Variants in CAMK2B observed in about 807,000 individuals in gnomAD.
CAMK2B encodes the protein calcium/calmodulin dependent protein kinase II beta.
Under a neutral mutation model 93.7 loss-of-function variants are expected in CAMK2B, and 27 were observed. The observed-to-expected ratio is 0.29, with a 90% CI of 0.21 to 0.40. The LOEUF is 0.40. Ranked by LOEUF, CAMK2B falls within the 10% of genes least tolerant of loss-of-function variation. The pLI, the probability that CAMK2B is intolerant of heterozygous loss-of-function variation, is 1.00. For missense variants in CAMK2B, 568 were observed against 895.8 expected, an observed-to-expected ratio of 0.63 and a Z score of 4.67; for synonymous variants, 374 against 358.8, an observed-to-expected ratio of 1.04 and a Z score of -0.48.
intron 16 of CAMK2B, among the ~76,000 whole-genome samples, chr7:44,232,602 G>A (rs575675808): frequency 9.8e-5 from 15 of 152,348 alleles, no homozygotes; most frequent in East Asian, 9.6e-4. Context: ...GGGACCGGGC[G>A]CAACTGTGCC....
At chr7:44,247,249 G>A in intron 5 of CAMK2B, 57 bp from the exon 6 acceptor site, 1 of 1,433,330 alleles carries the variant, frequency 7.0e-7, no homozygotes, top group Non-Finnish European at 9.8e-7. Context: ...GCAAGAGGAG[G>A]CACTGGGGGC....
chr7:44,300,911 C>T (rs1275058452), intron 1 of CAMK2B, among the ~76,000 whole-genome samples: 1 of 152,022 alleles, frequency 6.6e-6, no homozygotes. Context: ...ATTTAAAATA[C>T]AGTAATCATA....
chr7:44,320,735 A>G (rs1306746972), intron 1 of CAMK2B, among the ~76,000 whole-genome samples: 1 of 152,118 alleles, frequency 6.6e-6, no homozygotes, highest in Non-Finnish European at 1.5e-5. Flanking sequence ...TTTTTAAACT[A>G]CCCTACATTA....
rs368719643 is a variant in CAMK2B at position 44,221,052 on chromosome 7, C to G, written c.1598-151G>C. On this transcript the variant is annotated intron_variant, in intron 20 of 23. Coordinates refer to ENST00000395749, the MANE Select transcript of CAMK2B (RefSeq NM_001220.5). Reference sequence around the variant, plus strand: ...GCAGAAGAGGTCCTCTCCGCCGCCCCCCCTGCATCACCAGTGGCTTCCTCA... The same window carrying G: ...GCAGAAGAGGTCCTCTCCGCCGCCCGCCCTGCATCACCAGTGGCTTCCTCA... The G allele has an allele frequency of 4.9e-6, 3 of 615,498 alleles. No homozygotes were observed. In the East Asian group the frequency reaches 8.5e-5, roughly 17 times the overall value. 38.1% of individuals were successfully genotyped at this position (615,498 alleles called of 1,614,324 possible). A position where few individuals can be genotyped will look rare whatever the true frequency, so the allele number is the denominator to read the frequency against.
intron 1 of CAMK2B, among the ~76,000 whole-genome samples, chr7:44,299,439 T>A (rs1233493860): frequency 6.6e-6 from 1 of 152,134 alleles, no homozygotes; most frequent in East Asian, 1.9e-4. Flanking sequence ...GATGAAAAAA[T>A]TTCGGACAAT....
intron 1 of CAMK2B, among the ~76,000 whole-genome samples, chr7:44,285,887 G>T (rs1159264729): frequency 1.6e-5 from 2 of 123,766 alleles, no homozygotes; most frequent in Non-Finnish European, 1.7e-5. Flanking sequence ...GGCGCGGCGG[G>T]GGGGCACGGT....
intron 1 of CAMK2B, among the ~76,000 whole-genome samples, chr7:44,307,193 A>G (rs1260005194): frequency 5.7e-3 from 154 of 27,198 alleles, no homozygotes; most frequent in African/African-American, 7.4e-3. Flanking sequence ...GTGAGCAGAG[A>G]GAGGAGGGTG....
intron 1 of CAMK2B, among the ~76,000 whole-genome samples, chr7:44,297,797 G>A (rs977760298): frequency 6.6e-6 from 1 of 152,124 alleles, no homozygotes; most frequent in Non-Finnish European, 1.5e-5. Context: ...GAAAAACAAA[G>A]TTGGGGGACT....
chr7:44,228,867 G>A lies in CAMK2B; in HGVS notation c.1397C>T (p.Ala466Val). Residue 466 changes from alanine to valine, a missense_variant, in exon 19 of 24, where the codon GCC (alanine) becomes GTC (valine). Physicochemically the swap from Ala to Val is moderately conservative, Grantham distance 64. Coordinates refer to ENST00000395749, the MANE Select transcript of CAMK2B (RefSeq NM_001220.5). ...SVRRGSGTPE[A>V]EGPLSAGPPP... is the part of the protein sequence containing the mutation. ...GGGCCCCGCTGAGAGGGGGCCCTCG[G>A]CTTCTGGGGTTCCTGAACCCCTTCT... is the stretch of plus-strand genomic sequence containing the variant. 6.4e-7 allele frequency: 1 copy of A among 1,565,596 alleles called. No homozygotes were observed. Among genetic ancestry groups the A allele is most frequent in the Non-Finnish European group, 8.7e-7 (1 of 1,150,596 alleles).
intron 1 of CAMK2B, among the ~76,000 whole-genome samples, chr7:44,310,074 C>A (rs1225027494): frequency 1.3e-5 from 2 of 152,234 alleles, no homozygotes; most frequent in Admixed American, 6.5e-5. Flanking sequence ...CGAGACCGGG[C>A]GGGGGCGGGG....
chr7:44,261,215 C>A (rs1472175503), intron 3 of CAMK2B, among the ~76,000 whole-genome samples: 1 of 152,250 alleles, frequency 6.6e-6, no homozygotes, highest in Non-Finnish European at 1.5e-5. Context: ...CACCCCTCCC[C>A]ACTCCTTTCC....
At position 44,226,536 on chromosome 7, in the gene CAMK2B, G is replaced by C. The variant is rs528355050; in HGVS notation, c.1577C>G (p.Pro526Arg). Reference sequence around the variant, plus strand: ...CTTACATGGGGTGGGCAGGGGGCCAGGGATAGTCGGAGATGGGCAGGGCGG... The same window carrying C: ...CTTACATGGGGTGGGCAGGGGGCCACGGATAGTCGGAGATGGGCAGGGCGG... ...GPPPCPSPTI[P>R]GPLPTPSRKQ... Residue 526 changes from proline to arginine, a missense_variant, in exon 20 of 24, where the codon CCT (proline) becomes CGT (arginine). Coordinates refer to ENST00000395749, the MANE Select transcript of CAMK2B (RefSeq NM_001220.5). 11 of 1,466,456 alleles carry C rather than the reference G, an allele frequency of 7.5e-6. No homozygotes were observed. The highest frequency in any genetic ancestry group is 1.8e-4 in the Middle Eastern group (1 of 5,544). 90.8% of individuals were successfully genotyped at this position (1,466,456 alleles called of 1,614,324 possible).
intron 22 of CAMK2B, 97 bp downstream of exon 22, chr7:44,220,519 G>C: frequency 9.1e-7 from 1 of 1,098,092 alleles, no homozygotes; most frequent in Non-Finnish European, 1.3e-6. Flanking sequence ...GAGGGGACAG[G>C]GCTTCCATAG....
chr7:44,321,459 A>C (rs1465139381), intron 1 of CAMK2B, among the ~76,000 whole-genome samples: 1 of 152,152 alleles, frequency 6.6e-6, no homozygotes, highest in East Asian at 1.9e-4. Flanking sequence ...ACTGGAGCTC[A>C]GGGGCCATTC....
At chr7:44,242,162 T>C in intron 10 of CAMK2B, 56 bp downstream of exon 10, 1 of 1,580,054 alleles carries the variant, frequency 6.3e-7, no homozygotes, top group Non-Finnish European at 8.6e-7. Flanking sequence ...GGGAGTGGTC[T>C]GAGGCCATCT....
chr7:44,222,795 C>T (rs960937110), intron 20 of CAMK2B, among the ~76,000 whole-genome samples: 4 of 151,504 alleles, frequency 2.6e-5, no homozygotes, highest in Admixed American at 6.6e-5. Context: ...TTATCTCTCT[C>T]GCCAGACCTC....
intron 5 of CAMK2B, among the ~76,000 whole-genome samples, chr7:44,253,620 CAG>C (rs569777058): frequency 2.8e-4 from 43 of 151,290 alleles, no homozygotes; most frequent in African/African-American, 9.7e-4. Context: ...TTTTTGGAGA[CAG>C]GGTCTTGCTC....
Position 44,237,911 on chromosome 7 carries a change from G to A in CAMK2B, c.1021+1678C>T, listed in dbSNP as rs182089925. 2.7e-4 allele frequency among the ~76,000 whole-genome samples: 41 copies of A among 152,282 alleles called. No homozygotes were observed. The East Asian group carries it at 6.6e-3, about 24-fold the overall frequency. ...AACTGCTGCCACCCTGCAGCTGGCC[G>A]GACACTGGGTCTCCTATGCCCTTAC... On this transcript the variant is annotated intron_variant, in intron 13 of 23. Transcript: ENST00000395749.
intron 6 of CAMK2B, 119 bp downstream of exon 6, chr7:44,247,001 T>C: frequency 2.7e-6 from 2 of 746,116 alleles, no homozygotes; most frequent in East Asian, 2.7e-5. Flanking sequence ...CACACACACA[T>C]ACACCTCACC....
Sources: gnomAD v4.1 joint callset for allele counts (sites outside exome capture counted in the v4.1 genomes callset) on GRCh38, gnomAD v4.1.1 for gene constraint, MANE v1.5 for transcripts, NCBI Gene and HGNC (gene_info 2026-07-23, HGNC 2026-07-21) for gene names.